The following CRACR2A variants were observed in gnomAD, a reference collection of about 807,000 sequenced individuals.
The protein encoded by CRACR2A is calcium release activated channel regulator 2A.
Under a neutral mutation model 90.5 loss-of-function variants are expected in CRACR2A, and 79 were observed. That is an observed-to-expected ratio of 0.87 (90% confidence interval 0.73 to 1.05). CRACR2A has a LOEUF of 1.05. Among genes scored for constraint, CRACR2A ranks in the 50% least tolerant of loss-of-function variants. The pLI, the probability that CRACR2A is intolerant of heterozygous loss-of-function variation, is 0.00. For synonymous variants in CRACR2A, 338 were observed against 356.7 expected (o/e 0.95, Z 0.59); for missense variants, 823 against 897.2 (o/e 0.92, Z 1.06).
intron 3 of CRACR2A, among the ~76,000 whole-genome samples, chr12:3,697,288 G>A (rs1462187689): frequency 6.6e-6 from 1 of 152,186 alleles, no homozygotes; most frequent in Non-Finnish European, 1.5e-5. Context: ...ATTGAAAGGA[G>A]ATGGAATAGG....
At chr12:3,743,953 G>A (rs1565510609) in intron 1 of CRACR2A, among the ~76,000 whole-genome samples, 1 of 152,180 alleles carries the variant, frequency 6.6e-6, no homozygotes, top group African/African-American at 2.4e-5. Context: ...ATGCTCGCTG[G>A]GGAAATAGCA....
At chr12:3,722,312 TG>T (rs1946194456) in intron 2 of CRACR2A, among the ~76,000 whole-genome samples, 1 of 152,228 alleles carries the variant, frequency 6.6e-6, no homozygotes, top group African/African-American at 2.4e-5. Context: ...GGCACTATGC[TG>T]GGAGCCTTAA....
intron 6 of CRACR2A, among the ~76,000 whole-genome samples, chr12:3,678,030 G>A (rs759997934): frequency 7.2e-5 from 11 of 152,104 alleles, no homozygotes; most frequent in Non-Finnish European, 1.3e-4. Flanking sequence ...CTCAGGAAAT[G>A]TCAGCTGTAA....
rs764325464 is a variant in CRACR2A at position 3,654,313 on chromosome 12, C to G, written c.945G>C (p.Leu315=). The change falls in exon 10 of 20, where the codon CTG becomes CTC. Residue 315 remains leucine (L), a synonymous_variant. Transcript: ENST00000440314. The part of the protein sequence containing the change: ...NTKLKLTNQE[L]ARELERTSWE... ...AGGAAGTCCGCTCCAGCTCCCGGGC[C>G]AGCTCCTGGTTAGTGAGTTTCAGCT... 159 of 1,613,988 alleles carry G rather than the reference C, an allele frequency of 9.9e-5. No individual in the cohort carries two copies. Among genetic ancestry groups the G allele is most frequent in the Non-Finnish European group, 1.3e-4 (152 of 1,180,012 alleles).
chr12:3,682,421 G>A lies in CRACR2A; in HGVS notation c.229-2072C>T, dbSNP rs150810920. 7.6e-4 allele frequency among the ~76,000 whole-genome samples: 116 copies of A among 152,232 alleles called. 1 individual carries two copies. The East Asian group carries it at 0.02, about 27-fold the overall frequency. On this transcript the variant is annotated intron_variant, in intron 4 of 19. Coordinates refer to ENST00000440314, the MANE Select transcript of CRACR2A (RefSeq NM_001144958.2). ...CCATTCCTGAATCCAGCAGCACTTC[G>A]AACCCCAAATCCCCCTGTTGTCTAA...
chr12:3,681,324 T>C (rs1227879606), intron 4 of CRACR2A, among the ~76,000 whole-genome samples: 1 of 152,126 alleles, frequency 6.6e-6, no homozygotes, highest in African/African-American at 2.4e-5. Context: ...AGTATTTGTG[T>C]GTTAAAGGGG....
Position 3,654,151 on chromosome 12 carries a change from A to G in CRACR2A, c.1046+61T>C, listed in dbSNP as rs12229948. 0.021 allele frequency: 32,813 copies of G among 1,573,276 alleles called. 3,416 individuals carry two copies. The East Asian group carries it at 0.32, about 15-fold the overall frequency. On this transcript the variant is annotated intron_variant, in intron 10 of 19. Coordinates refer to ENST00000440314, the MANE Select transcript of CRACR2A (RefSeq NM_001144958.2). ...CAGGGTCTCTGAGCGGCGAGGGGAC[A>G]TGCCCATAGTGGGGAGTGGTGCGGG...
At chr12:3,707,969 T>C (rs1184985538) in intron 3 of CRACR2A, among the ~76,000 whole-genome samples, 1 of 152,240 alleles carries the variant, frequency 6.6e-6, no homozygotes, top group African/African-American at 2.4e-5. Flanking sequence ...TAGAAGCAGA[T>C]CAGTGTGATG....
intron 12 of CRACR2A, among the ~76,000 whole-genome samples, chr12:3,643,876 A>AT (rs368830707): frequency 7.6e-5 from 4 of 52,560 alleles, no homozygotes; most frequent in East Asian, 1.4e-3. Context: ...TATATTATAT[A>AT]TATTTATATT....
At chr12:3,737,008 C>T (rs765925883) in intron 1 of CRACR2A, among the ~76,000 whole-genome samples, 1 of 152,146 alleles carries the variant, frequency 6.6e-6, no homozygotes, top group Non-Finnish European at 1.5e-5. Context: ...GAACTCAGCC[C>T]TTACCAAGTA....
intron 2 of CRACR2A, among the ~76,000 whole-genome samples, chr12:3,717,332 T>G (rs2137793909): frequency 6.6e-6 from 1 of 152,066 alleles, no homozygotes. Flanking sequence ...GAGCCAGGAG[T>G]GCTGCTGGCC....
intron 11 of CRACR2A, among the ~76,000 whole-genome samples, chr12:3,645,077 T>A (rs2137405855): frequency 6.6e-6 from 1 of 152,332 alleles, no homozygotes; most frequent in East Asian, 1.9e-4. Context: ...CAGGCACTCT[T>A]CTAGCCATCA....
Position 3,638,134 on chromosome 12 carries a change from G to A in CRACR2A, c.1592C>T (p.Ala531Val). The change falls in exon 14 of 20, where the codon GCC (alanine) becomes GTC (valine). Residue 531 changes from alanine to valine, a missense_variant. Ala to Val is a moderately conservative substitution (Grantham distance 64). Coordinates refer to ENST00000440314, the MANE Select transcript of CRACR2A (RefSeq NM_001144958.2). The stretch of plus-strand genomic sequence containing the variant: ...AGGCTGTGCCCTTACCTTACACAGG[G>A]CTTCTTTTCCAACAGGCTGCCCTCG... ...SPRGQPVGKE[A>V]LCKEESSPSA... The A allele has an allele frequency of 6.5e-7, 1 of 1,544,532 alleles. No homozygotes were observed. Among genetic ancestry groups the A allele is most frequent in the Non-Finnish European group, 8.8e-7 (1 of 1,141,566 alleles).
At chr12:3,735,804 C>T (rs1460461745) in intron 1 of CRACR2A, among the ~76,000 whole-genome samples, 2 of 152,192 alleles carry the variant, frequency 1.3e-5, no homozygotes. Context: ...TCTTGGGCCT[C>T]ATCTCAGACC....
intron 10 of CRACR2A, among the ~76,000 whole-genome samples, chr12:3,653,310 T>C (rs545108691): frequency 6.6e-6 from 1 of 152,336 alleles, no homozygotes; most frequent in Admixed American, 6.5e-5. Context: ...AACGAGAGGA[T>C]GTCAAATTAT....
chr12:3,699,928 T>C (rs1945809289), intron 3 of CRACR2A, among the ~76,000 whole-genome samples: 1 of 152,212 alleles, frequency 6.6e-6, no homozygotes, highest in South Asian at 2.1e-4. Flanking sequence ...TGAGTAAGTC[T>C]AGACTTCTGT....
chr12:3,739,403 T>C (rs1218491269), intron 1 of CRACR2A, among the ~76,000 whole-genome samples: 1 of 152,228 alleles, frequency 6.6e-6, no homozygotes, highest in Non-Finnish European at 1.5e-5. Context: ...CCAGCATAGC[T>C]TCTGTATCTG....
chr12:3,702,004 T>C (rs1945842046), intron 3 of CRACR2A, among the ~76,000 whole-genome samples: 1 of 152,132 alleles, frequency 6.6e-6, no homozygotes, highest in South Asian at 2.1e-4. Flanking sequence ...GCAAGAATGG[T>C]TTAACATTTG....
At chr12:3,621,396 CTTT>C (rs796347863) in intron 17 of CRACR2A, among the ~76,000 whole-genome samples, 14 of 133,864 alleles carry the variant, frequency 1.0e-4, no homozygotes, top group Admixed American at 2.3e-4. Context: ...CAGGTTTCTT[CTTT>C]TTTTTTTTTT....
Sources: gnomAD v4.1 joint callset for allele counts (sites outside exome capture counted in the v4.1 genomes callset) on GRCh38, gnomAD v4.1.1 for gene constraint, MANE v1.5 for transcripts, NCBI Gene and HGNC (gene_info 2026-07-23, HGNC 2026-07-21) for gene names.